Variants in LRRC20 observed in about 807,000 individuals in gnomAD.
LRRC20 encodes the protein leucine-rich repeat-containing protein 20.
LRRC20 carries 11 observed loss-of-function variants against 14.4 expected under a neutral mutation model. The ratio of observed to expected loss-of-function variants is 0.77; its 90% CI spans 0.48 to 1.27. The LOEUF (loss-of-function observed/expected upper bound fraction) is 1.27. Among genes scored for constraint, LRRC20 ranks in the 50% most tolerant of loss-of-function variants. LRRC20 has a pLI of 0.00. For missense variants in LRRC20, 219 were observed against 251.2 expected (o/e 0.87, Z 0.87); for synonymous variants, 121 against 107.3 (o/e 1.13, Z -0.79).
chr10:70,360,667 T>A (rs1332376350), intron 2 of LRRC20, among the ~76,000 whole-genome samples: 1 of 152,042 alleles, frequency 6.6e-6, no homozygotes, highest in Non-Finnish European at 1.5e-5. Context: ...GGTCTTGAAC[T>A]CCGGGGTTCA....
chr10:70,352,806 A>C (rs1224471623), intron 2 of LRRC20, among the ~76,000 whole-genome samples: 1 of 152,010 alleles, frequency 6.6e-6, no homozygotes, highest in Non-Finnish European at 1.5e-5. Context: ...TTAAATGTAC[A>C]GTTCAGTAGC....
chr10:70,348,390 T>C (rs1487112734), intron 2 of LRRC20, among the ~76,000 whole-genome samples: 2 of 152,232 alleles, frequency 1.3e-5, no homozygotes, highest in African/African-American at 2.4e-5. Flanking sequence ...TACACAGTCA[T>C]GTTCCCATCT....
intron 4 of LRRC20, among the ~76,000 whole-genome samples, chr10:70,320,358 C>A (rs1395491430): frequency 6.8e-6 from 1 of 148,072 alleles, no homozygotes; most frequent in Non-Finnish European, 1.5e-5. Context: ...TCTGTGCATG[C>A]ACATAGTAAA....
intron 2 of LRRC20, among the ~76,000 whole-genome samples, chr10:70,364,588 C>T (rs1564642805): frequency 6.6e-6 from 1 of 152,206 alleles, no homozygotes; most frequent in Non-Finnish European, 1.5e-5. Flanking sequence ...GGAGTGGAAG[C>T]CTTGGTCAGA....
At chr10:70,349,092 T>C (rs1184203826) in intron 2 of LRRC20, among the ~76,000 whole-genome samples, 2 of 152,178 alleles carry the variant, frequency 1.3e-5, no homozygotes, top group South Asian at 2.1e-4. Flanking sequence ...AGCTGTGGGA[T>C]GTCATCGAGA....
intron 2 of LRRC20, among the ~76,000 whole-genome samples, chr10:70,343,224 T>C (rs1249471995): frequency 6.6e-6 from 1 of 152,158 alleles, no homozygotes; most frequent in Non-Finnish European, 1.5e-5. Context: ...CTGTGTTGTA[T>C]TAATCCCTTT....
Position 70,300,874 on chromosome 10 carries a change from A to G in LRRC20, c.*480T>C. On this transcript the variant is annotated 3_prime_UTR_variant, in exon 5 of 5. Coordinates refer to ENST00000446961, the MANE Select transcript of LRRC20 (RefSeq NM_001278212.2). ...TCCAGGTCAGTTCTCAGGAAGCAAT[A>G]AATAGATGGAGGTTGTCTTCTCTTC... 2 of 987,300 alleles carry G rather than the reference A, an allele frequency of 2.0e-6. No individual in the cohort carries two copies. Among genetic ancestry groups the G allele is most frequent in the Non-Finnish European group, 2.4e-6 (2 of 831,312 alleles). 61.2% of individuals were successfully genotyped at this position (987,300 alleles called of 1,614,324 possible).
intron 4 of LRRC20, among the ~76,000 whole-genome samples, chr10:70,316,239 T>C (rs1206405765): frequency 1.3e-5 from 2 of 152,196 alleles, no homozygotes; most frequent in Non-Finnish European, 2.9e-5. Flanking sequence ...TTCAAGCAAT[T>C]TTCCCGCCTC....
At chr10:70,329,123 T>C (rs1842436657) in intron 3 of LRRC20, among the ~76,000 whole-genome samples, 1 of 152,146 alleles carries the variant, frequency 6.6e-6, no homozygotes, top group South Asian at 2.1e-4. Context: ...ACTCAGCACC[T>C]ACCACAGGGC....
Position 70,376,595 on chromosome 10 carries a change from GC to G in LRRC20, c.-63del. ...GTCTGCTTCTCACAAAAGGGCCTGA[GC>G]CTGGGGAAGACGCAGTGCCATGAAG... On this transcript the variant is annotated splice_region_variant and 5_prime_UTR_variant, in exon 2 of 5. Transcript: ENST00000446961. 1 of 1,531,098 alleles carries G rather than the reference GC, an allele frequency of 6.5e-7. No homozygotes were observed. The highest frequency in any genetic ancestry group is 9.0e-7 in the Non-Finnish European group (1 of 1,112,844). The allele number at this position is 1,531,098 out of a possible 1,614,324, so 94.8% of individuals were successfully genotyped here.
At chr10:70,304,470 T>TTACATATATATATATA (rs1651704849) in intron 4 of LRRC20, among the ~76,000 whole-genome samples, 1 of 113,826 alleles carries the variant, frequency 8.8e-6, no homozygotes. Flanking sequence ...GGCCACTTCT[T>TTACATATATATATATA]TATATATATA....
chr10:70,316,077 T>C (rs937460859), intron 4 of LRRC20, among the ~76,000 whole-genome samples: 2 of 152,110 alleles, frequency 1.3e-5, no homozygotes, highest in African/African-American at 4.8e-5. Context: ...TAGTGGAGAG[T>C]GGCAGTAAAT....
At chr10:70,324,164 C>T in intron 3 of LRRC20, 134 bp from the exon 4 acceptor site, 2 of 740,328 alleles carry the variant, frequency 2.7e-6, no homozygotes, top group Non-Finnish European at 4.5e-6. Flanking sequence ...CAGAGGGAGC[C>T]CCGCACAGGG....
At chr10:70,307,021 A>ATTT (rs1274875124) in intron 4 of LRRC20, among the ~76,000 whole-genome samples, 1 of 152,226 alleles carries the variant, frequency 6.6e-6, no homozygotes, top group Non-Finnish European at 1.5e-5. Flanking sequence ...TGGCTCCAGC[A>ATTT]CTTTTTGGAT....
At chr10:70,356,882 C>CA (rs533054891) in intron 2 of LRRC20, among the ~76,000 whole-genome samples, 2,367 of 149,988 alleles carry the variant, frequency 0.016, 53 homozygotes, top group African/African-American at 0.055. Flanking sequence ...CAAAGCAAAA[C>CA]AAAAAAAAAC....
At chr10:70,324,188 T>C (rs536707429) in intron 3 of LRRC20, among the ~76,000 whole-genome samples, 158 bp from the exon 4 acceptor site, 1 of 152,172 alleles carries the variant, frequency 6.6e-6, no homozygotes, top group Admixed American at 6.5e-5. Context: ...ATTCCATGTT[T>C]ATTTGTGCTA....
chr10:70,360,094 T>G (rs982245420), intron 2 of LRRC20, among the ~76,000 whole-genome samples: 5 of 152,120 alleles, frequency 3.3e-5, no homozygotes, highest in Non-Finnish European at 1.5e-5. Flanking sequence ...TTTTGTATTT[T>G]TAGTAGAGAC....
intron 4 of LRRC20, among the ~76,000 whole-genome samples, chr10:70,323,053 G>T (rs1309552128): frequency 2.6e-5 from 4 of 152,124 alleles, no homozygotes; most frequent in Admixed American, 1.3e-4. Context: ...ACTGAAGGGG[G>T]TTATTATGAA....
chr10:70,340,765 A>G, intron 2 of LRRC20, 63 bp from the exon 3 acceptor site: 1 of 1,551,756 alleles, frequency 6.4e-7, no homozygotes, highest in South Asian at 1.1e-5. Flanking sequence ...AACTTGTCCC[A>G]GACTCACACA....
Sources: allele counts gnomAD v4.1 joint callset (sites outside exome capture counted in the v4.1 genomes callset), GRCh38; gene constraint gnomAD v4.1.1; transcripts MANE v1.5; gene names NCBI Gene and HGNC (gene_info 2026-07-23, HGNC 2026-07-21).